TBC1D1: variants seen among roughly 807,000 people sequenced by gnomAD.
TBC1D1 encodes TBC1 domain family member 1, also known as TBC1 (tre-2/USP6, BUB2, cdc16) domain family, member 1.
A neutral mutation model predicts 125.6 loss-of-function variants in TBC1D1; 89 were observed. That is an observed-to-expected ratio of 0.71 (90% CI 0.60 to 0.85). TBC1D1 has a LOEUF of 0.85. Among genes scored for constraint, TBC1D1 ranks in the 40% least tolerant of loss-of-function variants. The probability of loss-of-function intolerance (pLI) is 0.00; values close to 1 mark genes in which losing one functional copy is unlikely to be tolerated. For missense variants in TBC1D1, 1,377 were observed against 1,469.2 expected (o/e 0.94, Z 1.03); for synonymous variants, 565 against 564.1 (o/e 1.00, Z -0.02).
intron 14 of TBC1D1, among the ~76,000 whole-genome samples, chr4:38,096,700 G>C (rs1410175227): frequency 6.6e-6 from 1 of 152,206 alleles, no homozygotes; most frequent in African/African-American, 2.4e-5. Context: ...TCCAAGAAGA[G>C]ATAAGTACAG....
chr4:37,961,685 C>T lies in TBC1D1; in HGVS notation c.418-52824C>T, dbSNP rs190281727. On this transcript the variant is annotated intron_variant, in intron 2 of 19. Transcript: ENST00000261439. Reference sequence around the variant, plus strand: ...GTTTCCTAGGCCAGGAGCTGCTATTCATTATACATGTTAGTGGTTTTGCTC... The same window carrying T: ...GTTTCCTAGGCCAGGAGCTGCTATTTATTATACATGTTAGTGGTTTTGCTC... 3.5e-4 allele frequency among the ~76,000 whole-genome samples: 54 copies of T among 152,254 alleles called. 1 individual carries two copies. In the East Asian group the frequency reaches 0.01, roughly 29 times the overall value.
chr4:38,118,087 A>T lies in TBC1D1; in HGVS notation c.2857A>T (p.Asn953Tyr). The change falls in exon 17 of 20, where the codon AAT (asparagine) becomes TAT (tyrosine). Residue 953 changes from asparagine to tyrosine, a missense_variant. This residue lies in a region of TBC1D1 where 543 missense variants were observed against 613.5 expected (regional missense o/e 0.89). Coordinates refer to ENST00000261439, the MANE Select transcript of TBC1D1 (RefSeq NM_015173.4). ...TCATGATTACCACAGAGACCTCTAC[A>T]ATCACCTGGAGGAGCACGAGATCGG... 6.2e-7 allele frequency: 1 copy of T among 1,614,170 alleles called. No homozygotes were observed.
intron 2 of TBC1D1, among the ~76,000 whole-genome samples, chr4:37,994,791 C>T (rs1175049066): frequency 2.6e-5 from 4 of 152,154 alleles, no homozygotes; most frequent in African/African-American, 9.7e-5. Flanking sequence ...TCCTAATGCC[C>T]TAGGCTTTTT....
intron 2 of TBC1D1, among the ~76,000 whole-genome samples, chr4:37,982,636 A>G (rs1734568742): frequency 6.6e-6 from 1 of 152,202 alleles, no homozygotes. Flanking sequence ...TTTTACTGAA[A>G]GAGAATGGAG....
intron 6 of TBC1D1, among the ~76,000 whole-genome samples, chr4:38,027,520 T>C (rs1230945741): frequency 6.6e-6 from 1 of 152,020 alleles, no homozygotes. Flanking sequence ...TCCCAGGTAC[T>C]GGGGAGGCTG....
intron 2 of TBC1D1, among the ~76,000 whole-genome samples, chr4:37,914,520 T>A (rs544811072): frequency 6.6e-6 from 1 of 152,322 alleles, no homozygotes; most frequent in African/African-American, 2.4e-5. Flanking sequence ...CCATTATATC[T>A]TATCTGGACT....
intron 2 of TBC1D1, among the ~76,000 whole-genome samples, chr4:37,937,486 A>G (rs1429914016): frequency 6.6e-6 from 1 of 152,206 alleles, no homozygotes; most frequent in Non-Finnish European, 1.5e-5. Context: ...ACCCCAAGAA[A>G]TAACCACTGG....
chr4:38,125,324 A>C (rs3815864), intron 18 of TBC1D1, among the ~76,000 whole-genome samples, 193 bp downstream of exon 20: 9,174 of 152,288 alleles, frequency 0.06, 456 homozygotes, highest in East Asian at 0.24. Flanking sequence ...CGTCATGGTG[A>C]AATGCCACAT....
At chr4:38,079,441 A>G (rs1756157907) in intron 12 of TBC1D1, among the ~76,000 whole-genome samples, 1 of 152,182 alleles carries the variant, frequency 6.6e-6, no homozygotes, top group Non-Finnish European at 1.5e-5. Context: ...ACATGGTGAT[A>G]TGGCCAGGTG....
At chr4:37,984,391 G>A (rs1266010592) in intron 2 of TBC1D1, among the ~76,000 whole-genome samples, 6 of 152,182 alleles carry the variant, frequency 3.9e-5, no homozygotes, top group East Asian at 1.9e-4. Flanking sequence ...CAATGAATGA[G>A]AATTTCTTTT....
rs535615707 is a variant in TBC1D1, at chr4:38,021,561, T to C, written c.1078-25T>C. 2.9e-4 allele frequency: 434 copies of C among 1,489,430 alleles called. 5 individuals carry two copies. The South Asian group carries it at 5.5e-3, about 19-fold the overall frequency. 92.3% of individuals were successfully genotyped at this position (1,489,430 alleles called of 1,614,324 possible). A position where few individuals can be genotyped will look rare whatever the true frequency, so the allele number is the denominator to read the frequency against. On this transcript the variant is annotated intron_variant, in intron 5 of 19. Coordinates refer to ENST00000261439, the MANE Select transcript of TBC1D1 (RefSeq NM_015173.4). The stretch of plus-strand genomic sequence containing the variant: ...AATTTCAAATTGACTTTTTGGTGAC[T>C]ACAACTTCTCTTCTCTTTGATTAGG...
chr4:37,899,501 A>AT (rs771875791), intron 1 of TBC1D1, among the ~76,000 whole-genome samples: 2 of 152,034 alleles, frequency 1.3e-5, no homozygotes, highest in African/African-American at 2.4e-5. Flanking sequence ...TCAAGTGCAA[A>AT]TTGCCCCCCA....
At chr4:38,081,316 C>T (rs992737710) in intron 12 of TBC1D1, among the ~76,000 whole-genome samples, 12 of 152,094 alleles carry the variant, frequency 7.9e-5, no homozygotes, top group African/African-American at 2.7e-4. Flanking sequence ...AAGCCGTCTC[C>T]GAGGGCATGA....
At chr4:38,127,549 A>C (rs1764868730) in intron 18 of TBC1D1, among the ~76,000 whole-genome samples, 1 of 151,902 alleles carries the variant, frequency 6.6e-6, no homozygotes, top group Non-Finnish European at 1.5e-5. Context: ...ACGCTCAGCT[A>C]ATTTTTGTAT....
chr4:37,926,251 T>G (rs1018783779), intron 2 of TBC1D1, among the ~76,000 whole-genome samples: 1 of 152,184 alleles, frequency 6.6e-6, no homozygotes, highest in African/African-American at 2.4e-5. Context: ...AAGGATTCCC[T>G]CCCTTTGTGC....
At chr4:38,055,020 C>T (rs957507209) in intron 12 of TBC1D1, 1 of 152,176 alleles carries the variant, frequency 6.6e-6, no homozygotes, top group Non-Finnish European at 1.5e-5. Context: ...AGGTAAATTC[C>T]GCCATGTTGC....
Position 38,049,852 on chromosome 4 carries a change from C to T in TBC1D1, c.1864C>T (p.Leu622Phe), listed in dbSNP as rs1187714461. 2.5e-6 allele frequency: 4 copies of T among 1,614,112 alleles called. No individual in the cohort carries two copies. The East Asian group carries it at 8.9e-5, about 36-fold the overall frequency. Residue 622 changes from leucine to phenylalanine, a missense_variant, in exon 11 of 20, where the codon CTT (leucine) becomes TTT (phenylalanine). Transcript: ENST00000261439. The stretch of plus-strand genomic sequence containing the variant: ...GTCCCCGGGGGTTTCGCAAAGGAAA[C>T]TTATGAGGTATCACTCAGTGAGCAC...
At chr4:38,078,815 C>T (rs1025840476) in intron 12 of TBC1D1, among the ~76,000 whole-genome samples, 1 of 152,212 alleles carries the variant, frequency 6.6e-6, no homozygotes, top group African/African-American at 2.4e-5. Flanking sequence ...ATTCTCCACT[C>T]CCTGGCTTCC....
chr4:37,981,990 G>T (rs892800177), intron 2 of TBC1D1, among the ~76,000 whole-genome samples: 1 of 152,216 alleles, frequency 6.6e-6, no homozygotes, highest in Non-Finnish European at 1.5e-5. Context: ...TTGCTATCTT[G>T]TTTGTCTGTG....
Sources: gnomAD v4.1 joint callset for allele counts (sites outside exome capture counted in the v4.1 genomes callset) on GRCh38, gnomAD v4.1.1 for gene constraint, gnomAD v4.1.1 regional missense constraint, MANE v1.5 for transcripts, NCBI Gene and HGNC (gene_info 2026-07-23, HGNC 2026-07-21) for gene names.